BCKDHB: variants seen among roughly 807,000 people sequenced by gnomAD.
BCKDHB encodes 2-oxoisovalerate dehydrogenase subunit beta, mitochondrial.
Under a neutral mutation model 48.5 loss-of-function variants are expected in BCKDHB, and 41 were observed. The ratio of observed to expected loss-of-function variants is 0.85; its 90% CI spans 0.66 to 1.10. The LOEUF (loss-of-function observed/expected upper bound fraction) is 1.10, where lower values mean the gene tolerates loss of function less well. Ranked by LOEUF, BCKDHB falls within the 50% of genes least tolerant of loss-of-function variation. BCKDHB has a pLI of 0.00. For synonymous variants in BCKDHB, 201 were observed against 174.8 expected, an observed-to-expected ratio of 1.15 and a Z score of -1.18; for missense variants, 496 against 494.2, an observed-to-expected ratio of 1.00 and a Z score of -0.03.
At chr6:80,363,623 A>G in the BCKDHB span, among the ~76,000 whole-genome samples, 1 of 152,202 alleles carries the variant, frequency 6.6e-6, no homozygotes, top group Non-Finnish European at 1.5e-5. Flanking sequence ...CAATCTATGA[A>G]CACTGTCATA....
In BCKDHB at chr6:80,186,782, A is replaced by G. The variant is rs564329710; in HGVS notation, c.743-14152A>G. Among the ~76,000 whole-genome samples the G allele has an allele frequency of 9.8e-5, 15 of 152,346 alleles. No homozygotes were observed. The South Asian group carries it at 1.4e-3, about 15-fold the overall frequency. Reference sequence around the variant, plus strand: ...TGAGCCGGGAACTGGGAGTGCCTACAGGGCGCTTCCCGCTCCTTCTTCTAC... The same window carrying G: ...TGAGCCGGGAACTGGGAGTGCCTACGGGGCGCTTCCCGCTCCTTCTTCTAC... On this transcript the variant is annotated intron_variant, in intron 6 of 9. Coordinates refer to ENST00000320393, the MANE Select transcript of BCKDHB (RefSeq NM_183050.4).
the BCKDHB span, among the ~76,000 whole-genome samples, chr6:80,371,885 C>A: frequency 3.6e-4 from 55 of 151,956 alleles, no homozygotes; most frequent in Non-Finnish European, 7.1e-4. Context: ...TGACTATGAC[C>A]TTATAGTATA....
chr6:80,462,583 T>C, the BCKDHB span, among the ~76,000 whole-genome samples: 8 of 152,194 alleles, frequency 5.3e-5, no homozygotes, highest in Admixed American at 5.2e-4. Context: ...TGAAAGCACA[T>C]AGCCAGTGTT....
intron 1 of BCKDHB, among the ~76,000 whole-genome samples, chr6:80,109,577 CTT>C (rs941001291): frequency 7.2e-5 from 11 of 152,170 alleles, no homozygotes; most frequent in African/African-American, 2.6e-4. Context: ...CATGTACACT[CTT>C]GGATATTTTG....
intron 6 of BCKDHB, among the ~76,000 whole-genome samples, chr6:80,197,648 CAGG>C (rs1263879921): frequency 6.6e-6 from 1 of 152,138 alleles, no homozygotes; most frequent in African/African-American, 2.4e-5. Context: ...GCTGGAAAGA[CAGG>C]AGGACTCTTG....
At chr6:80,338,716 A>T (rs1039899044) in intron 9 of BCKDHB, among the ~76,000 whole-genome samples, 11 of 152,118 alleles carry the variant, frequency 7.2e-5, no homozygotes, top group African/African-American at 2.7e-4. Context: ...TAAATATGGG[A>T]TTCCTTTAAC....
chr6:80,365,576 T>G, the BCKDHB span, among the ~76,000 whole-genome samples: 1 of 152,156 alleles, frequency 6.6e-6, no homozygotes, highest in Non-Finnish European at 1.5e-5. Flanking sequence ...TCAGACCTAA[T>G]GGTTGTCTTC....
the BCKDHB span, among the ~76,000 whole-genome samples, chr6:80,459,789 G>A: frequency 1.3e-5 from 2 of 152,062 alleles, no homozygotes; most frequent in Non-Finnish European, 2.9e-5. Flanking sequence ...TTCCAAATAT[G>A]TAACTGAGGT....
At chr6:80,111,772 A>T (rs928489119) in intron 1 of BCKDHB, among the ~76,000 whole-genome samples, 1 of 152,240 alleles carries the variant, frequency 6.6e-6, no homozygotes, top group African/African-American at 2.4e-5. Flanking sequence ...TAAAACCCAA[A>T]GGAGAACAAA....
intron 9 of BCKDHB, among the ~76,000 whole-genome samples, chr6:80,337,207 A>G (rs1769636943): frequency 6.6e-6 from 1 of 152,124 alleles, no homozygotes; most frequent in Non-Finnish European, 1.5e-5. Flanking sequence ...GCAGATTTAA[A>G]ACAAATTTAA....
chr6:80,180,058 G>A (rs1773340321), intron 6 of BCKDHB, among the ~76,000 whole-genome samples: 1 of 152,158 alleles, frequency 6.6e-6, no homozygotes. Flanking sequence ...CCTCTGGGCT[G>A]TGGTGACTCT....
chr6:80,225,117 C>A (rs531844667), intron 8 of BCKDHB, among the ~76,000 whole-genome samples: 4 of 152,124 alleles, frequency 2.6e-5, no homozygotes, highest in African/African-American at 9.7e-5. Flanking sequence ...GCATTCCATC[C>A]GTTCCTTTCA....
At chr6:80,142,311 T>C (rs1306794548) in intron 3 of BCKDHB, among the ~76,000 whole-genome samples, 1 of 152,126 alleles carries the variant, frequency 6.6e-6, no homozygotes, top group East Asian at 1.9e-4. Flanking sequence ...ACTAAAAAGA[T>C]GAATTATGTT....
At chr6:80,195,821 A>G (rs1315083814) in intron 6 of BCKDHB, among the ~76,000 whole-genome samples, 2 of 152,172 alleles carry the variant, frequency 1.3e-5, no homozygotes, top group South Asian at 2.1e-4. Context: ...ATTAGACTGA[A>G]TTTTAACAAA....
intron 8 of BCKDHB, 128 bp from the exon 9 acceptor site, chr6:80,273,007 A>G (rs1184844357): frequency 2.6e-6 from 2 of 764,440 alleles, no homozygotes; most frequent in Middle Eastern, 3.6e-4. Context: ...TTGGCATACA[A>G]TTGAATTACT....
intron 9 of BCKDHB, among the ~76,000 whole-genome samples, chr6:80,331,327 CATTT>C (rs1562234678): frequency 6.6e-6 from 1 of 152,098 alleles, no homozygotes; most frequent in African/African-American, 2.4e-5. Context: ...AAAGGAAAAA[CATTT>C]ATAATAAAGA....
downstream of BCKDHB, among the ~76,000 whole-genome samples, chr6:80,346,564 CCTCT>C: frequency 6.6e-6 from 1 of 152,260 alleles, no homozygotes. Context: ...TTTCCTACTG[CCTCT>C]CTTCCGTGAG....
intron 8 of BCKDHB, among the ~76,000 whole-genome samples, chr6:80,205,460 C>A (rs556314130): frequency 6.6e-6 from 1 of 151,946 alleles, no homozygotes; most frequent in Non-Finnish European, 1.5e-5. Context: ...AAAAACGATT[C>A]GTTGAACACA....
chr6:80,210,434 G>A (rs1562139747), intron 8 of BCKDHB, among the ~76,000 whole-genome samples: 1 of 152,092 alleles, frequency 6.6e-6, no homozygotes, highest in Non-Finnish European at 1.5e-5. Flanking sequence ...CATGAGAGTG[G>A]TTAATAATTG....
Sources: gnomAD v4.1 joint callset for allele counts (sites outside exome capture counted in the v4.1 genomes callset) on GRCh38, gnomAD v4.1.1 for gene constraint, MANE v1.5 for transcripts, NCBI Gene and HGNC (gene_info 2026-07-23, HGNC 2026-07-21) for gene names.